Variants in IGF2BP2 observed in about 807,000 individuals in gnomAD.
IGF2BP2 encodes insulin-like growth factor 2 mRNA-binding protein 2.
In IGF2BP2, 17 loss-of-function variants were observed where a neutral mutation model predicts 75.8. The observed-to-expected ratio is 0.22, with a 90% CI of 0.15 to 0.34. The LOEUF (loss-of-function observed/expected upper bound fraction) is 0.34, where lower values mean the gene tolerates loss of function less well. IGF2BP2 is among the 10% of genes least tolerant of loss of function. The pLI is 1.00. For missense variants in IGF2BP2, 516 were observed against 772.4 expected (o/e 0.67, Z 3.93); for synonymous variants, 288 against 295.6 (o/e 0.97, Z 0.26).
intron 2 of IGF2BP2, among the ~76,000 whole-genome samples, chr3:185,782,080 G>A (rs1735281605): frequency 6.6e-6 from 1 of 152,106 alleles, no homozygotes; most frequent in Non-Finnish European, 1.5e-5. Context: ...TACTGGTTCT[G>A]AGATCTTGCT....
intron 7 of IGF2BP2, among the ~76,000 whole-genome samples, chr3:185,680,549 T>C (rs1577945454): frequency 6.6e-6 from 1 of 152,002 alleles, no homozygotes; most frequent in Non-Finnish European, 1.5e-5. Flanking sequence ...GATGCAAAAA[T>C]CCTCAACAAA....
chr3:185,675,716 GATGA>G lies in IGF2BP2; in HGVS notation c.935+71_935+74del, dbSNP rs146806792. 1.7e-3 allele frequency: 2,525 copies of G among 1,516,706 alleles called. 3 individuals carry two copies. The highest frequency in any genetic ancestry group is 2.0e-3 in the Non-Finnish European group (2,249 of 1,122,028). 94.0% of individuals were successfully genotyped at this position (1,516,706 alleles called of 1,614,324 possible). On this transcript the variant is annotated intron_variant, in intron 8 of 15. Coordinates refer to ENST00000382199, the MANE Select transcript of IGF2BP2 (RefSeq NM_006548.6). ...TATATTCCCATTTTAGGGAAAAGTA[GATGA>G]ATGAACTAGACGTATCGAAATGCTC...
intron 2 of IGF2BP2, among the ~76,000 whole-genome samples, chr3:185,746,616 T>C (rs1323738514): frequency 6.6e-6 from 1 of 152,190 alleles, no homozygotes. Flanking sequence ...ATTTAACTTA[T>C]AAGCTTTGTG....
At chr3:185,765,948 T>C (rs1239003437) in intron 2 of IGF2BP2, among the ~76,000 whole-genome samples, 1 of 151,800 alleles carries the variant, frequency 6.6e-6, no homozygotes, top group African/African-American at 2.4e-5. Context: ...CGGAGGAGAG[T>C]TTGTGGGCAT....
intron 2 of IGF2BP2, among the ~76,000 whole-genome samples, chr3:185,721,063 G>A (rs547411253): frequency 3.2e-4 from 48 of 152,250 alleles, no homozygotes; most frequent in Non-Finnish European, 4.3e-4. Flanking sequence ...GCCACCTCCT[G>A]TGTACTGTCA....
chr3:185,789,152 A>G (rs1474521070), intron 2 of IGF2BP2, among the ~76,000 whole-genome samples: 1 of 152,180 alleles, frequency 6.6e-6, no homozygotes, highest in East Asian at 1.9e-4. Flanking sequence ...GCATCAACAA[A>G]GACTGTAAAA....
chr3:185,824,775 G>A lies in IGF2BP2; in HGVS notation c.178+8C>T. On this transcript the variant is annotated splice_region_variant and intron_variant, in intron 1 of 15. Transcript: ENST00000382199. ...AGGCGGGGGGAGGGGGCCGCGCTGA[G>A]TGCTCACCCGAGAGGGTCTCGATGG... is the stretch of plus-strand genomic sequence containing the variant. The A allele has an allele frequency of 1.5e-6, 2 of 1,361,848 alleles. No individual in the cohort carries two copies. The highest frequency in any genetic ancestry group is 9.7e-7 in the Non-Finnish European group (1 of 1,035,892). The allele number at this position is 1,361,848 out of a possible 1,614,324, so 84.4% of individuals were successfully genotyped here. A position where few individuals can be genotyped will look rare whatever the true frequency, so the allele number is the denominator to read the frequency against.
At chr3:185,746,483 C>T (rs757459985) in intron 2 of IGF2BP2, among the ~76,000 whole-genome samples, 6 of 152,164 alleles carry the variant, frequency 3.9e-5, no homozygotes, top group African/African-American at 1.4e-4. Context: ...TGAGCAAAAC[C>T]GTGGAGGCCA....
chr3:185,665,608 A>AAGG (rs61547511), intron 10 of IGF2BP2, among the ~76,000 whole-genome samples: 29,474 of 143,166 alleles, frequency 0.21, 3,271 homozygotes, highest in Middle Eastern at 0.26. Context: ...AAGGAAGAAG[A>AAGG]AGGAGGAGGA....
intron 2 of IGF2BP2, chr3:185,724,837 C>T (rs557037128): frequency 7.9e-5 from 12 of 152,328 alleles, no homozygotes; most frequent in South Asian, 2.1e-4. Flanking sequence ...CATTGAAAGA[C>T]GGAATTCTGT....
chr3:185,658,874 G>A (rs1043621684), intron 10 of IGF2BP2, among the ~76,000 whole-genome samples: 4 of 152,130 alleles, frequency 2.6e-5, no homozygotes, highest in African/African-American at 7.2e-5. Flanking sequence ...ACAAGCAAAT[G>A]TGTTCCTGGG....
chr3:185,698,608 G>C (rs1722894952), intron 2 of IGF2BP2, among the ~76,000 whole-genome samples: 1 of 152,012 alleles, frequency 6.6e-6, no homozygotes, highest in Middle Eastern at 3.2e-3. Context: ...AGGTTCAAGC[G>C]ATTCTCCTGC....
At chr3:185,696,139 C>G (rs1291673886) in intron 4 of IGF2BP2, among the ~76,000 whole-genome samples, 1 of 152,144 alleles carries the variant, frequency 6.6e-6, no homozygotes, top group African/African-American at 2.4e-5. Flanking sequence ...AAGACTCTTA[C>G]TCAGCAGGTC....
chr3:185,733,835 A>T (rs924372406), intron 2 of IGF2BP2, among the ~76,000 whole-genome samples: 2 of 152,166 alleles, frequency 1.3e-5, no homozygotes, highest in African/African-American at 4.8e-5. Flanking sequence ...AAACAAACAA[A>T]CAGTAGTTTA....
intron 2 of IGF2BP2, among the ~76,000 whole-genome samples, chr3:185,723,921 G>A (rs1726943811): frequency 6.6e-6 from 1 of 152,214 alleles, no homozygotes; most frequent in Non-Finnish European, 1.5e-5. Flanking sequence ...ATCGAGCAAA[G>A]TTGGGAGGCA....
At chr3:185,814,681 A>G (rs1471426434) in intron 2 of IGF2BP2, among the ~76,000 whole-genome samples, 1 of 152,226 alleles carries the variant, frequency 6.6e-6, no homozygotes, top group Admixed American at 6.5e-5. Flanking sequence ...GTCAAAAAGC[A>G]TGGCGTCTAT....
At position 185,679,762 on chromosome 3, in the gene IGF2BP2, G is replaced by A. The variant is rs568514434; in HGVS notation, c.813-3849C>T. ...CTCCTGAGTAGCTGGGATTACAGGT[G>A]TGTGCCACCACACCCGGCTAATTTT... On this transcript the variant is annotated intron_variant, in intron 7 of 15. Transcript: ENST00000382199. Among the ~76,000 whole-genome samples the A allele has an allele frequency of 3.3e-5, 5 of 152,164 alleles. No homozygotes were observed. In the East Asian group the frequency reaches 9.7e-4, roughly 29 times the overall value.
At chr3:185,681,739 A>G (rs560234985) in intron 7 of IGF2BP2, among the ~76,000 whole-genome samples, 5 of 152,380 alleles carry the variant, frequency 3.3e-5, no homozygotes, top group Admixed American at 2.0e-4. Context: ...CCAATGAAAT[A>G]GAATAGAGCC....
intron 2 of IGF2BP2, among the ~76,000 whole-genome samples, chr3:185,711,355 C>T (rs1404397415): frequency 6.6e-6 from 1 of 152,182 alleles, no homozygotes; most frequent in Non-Finnish European, 1.5e-5. Flanking sequence ...ACATGTGCAC[C>T]GCAGTCTCTC....
Sources: allele counts gnomAD v4.1 joint callset (sites outside exome capture counted in the v4.1 genomes callset), GRCh38; gene constraint gnomAD v4.1.1; transcripts MANE v1.5; gene names NCBI Gene and HGNC (gene_info 2026-07-23, HGNC 2026-07-21).